The following PPIL1 variants were observed in gnomAD, a reference collection of about 807,000 sequenced individuals.
PPIL1 encodes the protein peptidylprolyl isomerase like 1, also known as peptidyl-prolyl cis-trans isomerase-like 1.
Under a neutral mutation model 19.4 loss-of-function variants are expected in PPIL1, and 14 were observed. That is an observed-to-expected ratio of 0.72 (90% CI 0.48 to 1.13). PPIL1 has a LOEUF of 1.13. Among genes scored for constraint, PPIL1 ranks in the 50% most tolerant of loss-of-function variants. The pLI is 0.00. For synonymous variants in PPIL1, 72 were observed against 73.6 expected, an observed-to-expected ratio of 0.98 and a Z score of 0.11; for missense variants, 192 against 218.0, an observed-to-expected ratio of 0.88 and a Z score of 0.75.
At position 36,855,782 on chromosome 6, in the gene PPIL1, C is replaced by T. The variant is rs756622470; in HGVS notation, c.*31G>A. 1.9e-6 allele frequency: 3 copies of T among 1,605,360 alleles called. No individual in the cohort carries two copies. Among genetic ancestry groups the T allele is most frequent in the Non-Finnish European group, 8.5e-7 (1 of 1,172,106 alleles). ...CTAGAAGCTGGTTCACTGGGGCCAT[C>T]TCAGAAGAGCTGCTCAAGAGGGTAG... On this transcript the variant is annotated 3_prime_UTR_variant, in exon 4 of 4. Coordinates refer to ENST00000373699, the MANE Select transcript of PPIL1 (RefSeq NM_016059.5).
In PPIL1 at chr6:36,855,962, G is replaced by C. The variant is rs749013271; in HGVS notation, c.352C>G (p.Pro118Ala). 2 of 1,614,208 alleles carry C rather than the reference G, an allele frequency of 1.2e-6. No homozygotes were observed. Among genetic ancestry groups the C allele is most frequent in the Admixed American group, 1.7e-5 (1 of 60,030 alleles). The change falls in exon 4 of 4, where the codon CCC (proline) becomes GCC (alanine). Residue 118 changes from proline to alanine, a missense_variant. Transcript: ENST00000373699. ...NGSQFFVTLA[P>A]TQWLDGKHTI... ...TGTTTGCCGTCAAGCCACTGGGTGG[G>C]GGCGAGGGTCACAAAGAACTGGCTG...
Position 36,871,763 on chromosome 6 carries a change from T to A in PPIL1, c.166A>T (p.Ile56Phe). ...GYYNGTKFHR[I>F]IKDFMIQGGD... ...CCTTGGATCATGAAGTCTTTGATAATTCTGTGGAATTTTGTGCCATTGTAG... is the reference window on the plus strand; with the variant it reads ...CCTTGGATCATGAAGTCTTTGATAAATCTGTGGAATTTTGTGCCATTGTAG... The change falls in exon 2 of 4, where the codon ATT becomes TTT. Residue 56 changes from isoleucine to phenylalanine, a missense_variant. Ile to Phe is a conservative substitution (Grantham distance 21). Coordinates refer to ENST00000373699, the MANE Select transcript of PPIL1 (RefSeq NM_016059.5). The A allele has an allele frequency of 6.2e-7, 1 of 1,610,880 alleles. No individual in the cohort carries two copies. Among genetic ancestry groups the A allele is most frequent in the Non-Finnish European group, 8.5e-7 (1 of 1,178,742 alleles).
chr6:36,870,614 G>C (rs1463524119), intron 2 of PPIL1, among the ~76,000 whole-genome samples: 1 of 152,112 alleles, frequency 6.6e-6, no homozygotes, highest in Non-Finnish European at 1.5e-5. Context: ...CAGCTAGAGT[G>C]ATCCTTTTAT....
chr6:36,870,741 C>A (rs937521469), intron 2 of PPIL1, among the ~76,000 whole-genome samples: 4 of 152,166 alleles, frequency 2.6e-5, no homozygotes, highest in African/African-American at 7.2e-5. Flanking sequence ...CTGCCTCAGC[C>A]TCCCGACTAA....
Position 36,856,589 on chromosome 6 carries a change from T to A in PPIL1, c.277A>T (p.Thr93Ser), listed in dbSNP as rs766393712. The change falls in exon 3 of 4, where the codon ACG becomes TCG. Residue 93 changes from threonine (T) to serine (S), a missense_variant. Transcript: ENST00000373699. Reference sequence around the variant, plus strand: ...TCCAGCCAAATTATACACTTACCCGTGAATTTCAAGTCTGGATGAAGTTCA... The same window carrying A: ...TCCAGCCAAATTATACACTTACCCGAGAATTTCAAGTCTGGATGAAGTTCA... ...EDELHPDLKF[T>S]GAGILAMANA... 7 of 1,613,874 alleles carry A rather than the reference T, an allele frequency of 4.3e-6. No homozygotes were observed. In the South Asian group the frequency reaches 6.6e-5, roughly 15 times the overall value.
At chr6:36,867,815 A>G (rs1774424838) in intron 2 of PPIL1, among the ~76,000 whole-genome samples, 1 of 152,250 alleles carries the variant, frequency 6.6e-6, no homozygotes, top group Non-Finnish European at 1.5e-5. Flanking sequence ...TCTTCAGGCT[A>G]GAATAGAATA....
chr6:36,864,881 A>G (rs1161251976), intron 2 of PPIL1, among the ~76,000 whole-genome samples: 1 of 152,176 alleles, frequency 6.6e-6, no homozygotes, highest in Non-Finnish European at 1.5e-5. Flanking sequence ...GAATGAGAGC[A>G]CCGCGAGGGC....
At chr6:36,867,211 T>G (rs990030369) in intron 2 of PPIL1, among the ~76,000 whole-genome samples, 2 of 152,068 alleles carry the variant, frequency 1.3e-5, no homozygotes, top group African/African-American at 4.8e-5. Flanking sequence ...GAACACACAT[T>G]CAGATGCGTC....
At chr6:36,861,225 C>G (rs940683331) in intron 2 of PPIL1, among the ~76,000 whole-genome samples, 2 of 152,166 alleles carry the variant, frequency 1.3e-5, no homozygotes, top group African/African-American at 4.8e-5. Context: ...AGCACTCTCA[C>G]TCTTACTGCT....
intron 2 of PPIL1, among the ~76,000 whole-genome samples, chr6:36,863,312 G>A (rs1036499080): frequency 1.4e-4 from 22 of 152,218 alleles, no homozygotes; most frequent in South Asian, 4.2e-4. Flanking sequence ...TTATTTCACT[G>A]AGAAGAAGGA....
chr6:36,871,397 T>C (rs1392455806), intron 2 of PPIL1, among the ~76,000 whole-genome samples: 1 of 152,240 alleles, frequency 6.6e-6, no homozygotes, highest in African/African-American at 2.4e-5. Context: ...CTTTCCTTCT[T>C]ATTGATCAGA....
intron 2 of PPIL1, among the ~76,000 whole-genome samples, chr6:36,860,656 C>T (rs907027091): frequency 3.3e-5 from 5 of 151,790 alleles, no homozygotes; most frequent in African/African-American, 1.2e-4. Context: ...CTCCTGAGAG[C>T]TAACAGCTGA....
At chr6:36,859,055 C>T (rs1774224848) in intron 2 of PPIL1, among the ~76,000 whole-genome samples, 1 of 152,136 alleles carries the variant, frequency 6.6e-6, no homozygotes. Context: ...CCCCCCAGGA[C>T]CCTGCCCTCT....
chr6:36,858,004 T>G (rs941858607), intron 2 of PPIL1, among the ~76,000 whole-genome samples: 2 of 151,674 alleles, frequency 1.3e-5, no homozygotes, highest in African/African-American at 4.9e-5. Context: ...CCAAGGCAGG[T>G]GGATCACGAG....
intron 2 of PPIL1, among the ~76,000 whole-genome samples, chr6:36,864,770 T>C (rs1774362490): frequency 6.6e-6 from 1 of 152,154 alleles, no homozygotes; most frequent in Non-Finnish European, 1.5e-5. Flanking sequence ...AGTGCCTAGG[T>C]TGAGAAATCC....
intron 2 of PPIL1, 48 bp from the exon 3 acceptor site, chr6:36,856,702 T>C (rs1426504268): frequency 6.5e-7 from 1 of 1,549,048 alleles, no homozygotes; most frequent in Non-Finnish European, 8.9e-7. Flanking sequence ...ACACATTCTA[T>C]CTCACAGCAA....
At chr6:36,860,763 TAAA>T (rs10585822) in intron 2 of PPIL1, among the ~76,000 whole-genome samples, 4,124 of 122,206 alleles carry the variant, frequency 0.034, 223 homozygotes, top group East Asian at 0.31. Flanking sequence ...TATGTATCCC[TAAA>T]AAAAAAAAAA....
Position 36,856,665 on chromosome 6 carries a change from G to A in PPIL1, c.212-11C>T, listed in dbSNP as rs1419203891. On this transcript the variant is annotated splice_polypyrimidine_tract_variant and intron_variant, in intron 2 of 3. Coordinates refer to ENST00000373699, the MANE Select transcript of PPIL1 (RefSeq NM_016059.5). ...ATGCACCACCTCGACCTGCCCGATT[G>A]GAAGATGACACATGAATCAGCCAGT... The A allele has an allele frequency of 6.2e-7, 1 of 1,612,836 alleles. No individual in the cohort carries two copies. Among genetic ancestry groups the A allele is most frequent in the Admixed American group, 1.7e-5 (1 of 60,006 alleles).
At position 36,874,711 on chromosome 6, in the gene PPIL1, C is replaced by T. The variant is rs1445421885; in HGVS notation, c.56+6G>A. 4 of 1,613,914 alleles carry T rather than the reference C, an allele frequency of 2.5e-6. No individual in the cohort carries two copies. Among genetic ancestry groups the T allele is most frequent in the Non-Finnish European group, 3.4e-6 (4 of 1,179,944 alleles). On this transcript the variant is annotated splice_donor_region_variant and intron_variant, in intron 1 of 3. Coordinates refer to ENST00000373699, the MANE Select transcript of PPIL1 (RefSeq NM_016059.5). ...CTGCCAGCCCCAGACGCCCGAACCC[C>T]CTCACCTGGTCTCCAAGTAAACGTT...
Sources: gnomAD v4.1 joint callset for allele counts (sites outside exome capture counted in the v4.1 genomes callset) on GRCh38, gnomAD v4.1.1 for gene constraint, MANE v1.5 for transcripts, NCBI Gene and HGNC (gene_info 2026-07-23, HGNC 2026-07-21) for gene names.